Variants in RXFP2 observed in about 807,000 individuals in gnomAD.
RXFP2 encodes relaxin family peptide receptor 2, also known as relaxin receptor 2.
Under a neutral mutation model 88.6 loss-of-function variants are expected in RXFP2, and 68 were observed. The ratio of observed to expected loss-of-function variants is 0.77; its 90% CI spans 0.63 to 0.94. The LOEUF is 0.94. Among genes scored for constraint, RXFP2 ranks in the 40% least tolerant of loss-of-function variants. RXFP2 has a pLI of 0.00. For missense variants in RXFP2, 791 were observed against 893.9 expected (o/e 0.88, Z 1.47); for synonymous variants, 329 against 306.8 (o/e 1.07, Z -0.76).
At position 31,782,686 on chromosome 13, in the gene RXFP2, A is replaced by G. The variant is rs753235385; in HGVS notation, c.868A>G (p.Arg290Gly). ...CGCCATGTCTTACAGGTTTCTGCCT[A>G]GAAATCAAATTGGTTTTGTTCCAGA... ...CDSLTVLFLPRNQIGFVPEKT... is the reference protein window; with the variant it reads ...CDSLTVLFLPGNQIGFVPEKT... Residue 290 changes from arginine to glycine, a missense_variant, in exon 11 of 18, where the codon AGA becomes GGA. Physicochemically the swap from Arg to Gly is moderately radical, Grantham distance 125 (BLOSUM62 -2). Transcript: ENST00000298386. 11 of 1,611,560 alleles carry G rather than the reference A, an allele frequency of 6.8e-6. No individual in the cohort carries two copies.
At chr13:31,801,634 T>C (rs759663594) in intron 17 of RXFP2, among the ~76,000 whole-genome samples, 15 of 152,112 alleles carry the variant, frequency 9.9e-5, no homozygotes, top group Non-Finnish European at 1.8e-4. Context: ...TTTCATCAAG[T>C]TTAGGGAATG....
intron 1 of RXFP2, among the ~76,000 whole-genome samples, chr13:31,743,347 G>A (rs192770456): frequency 1.5e-4 from 23 of 151,942 alleles, no homozygotes; most frequent in Non-Finnish European, 2.1e-4. Flanking sequence ...GCACACCTGT[G>A]GTCCCAGCTA....
chr13:31,797,306 G>T lies in RXFP2; in HGVS notation c.1892G>T (p.Gly631Val). 1.2e-6 allele frequency: 2 copies of T among 1,614,078 alleles called. No individual in the cohort carries two copies. The change falls in exon 17 of 18, where the codon GGA becomes GTA. Residue 631 changes from glycine (G) to valine (V), a missense_variant. By Grantham distance (109) the Gly-to-Val change is moderately radical. Coordinates refer to ENST00000298386, the MANE Select transcript of RXFP2 (RefSeq NM_130806.5). ...ACCACAGAAGTAAGGAATTGTTTTG[G>T]AAGAGAGGTGGCTGTTGCAAATCGT... ...LQTTEVRNCF[G>V]REVAVANRFF...
chr13:31,789,808 T>A (rs149039688), intron 14 of RXFP2, among the ~76,000 whole-genome samples: 2 of 152,340 alleles, frequency 1.3e-5, no homozygotes, highest in Admixed American at 6.5e-5. Flanking sequence ...CAATGTAAGA[T>A]TACAAGTTGG....
chr13:31,778,386 C>G, intron 8 of RXFP2, 126 bp from the exon 9 acceptor site: 1 of 686,692 alleles, frequency 1.5e-6, no homozygotes. Context: ...TTTGAAATAG[C>G]TATATATGTT....
intron 8 of RXFP2, 48 bp from the exon 9 acceptor site, chr13:31,778,464 A>T (rs1203883970): frequency 7.9e-7 from 1 of 1,268,750 alleles, no homozygotes. Flanking sequence ...GACTGTCCTA[A>T]AAGTGTCATA....
chr13:31,742,200 A>C (rs1871247509), intron 1 of RXFP2, among the ~76,000 whole-genome samples: 1 of 152,216 alleles, frequency 6.6e-6, no homozygotes, highest in South Asian at 2.1e-4. Flanking sequence ...CTTGGCAACT[A>C]CCAATTGCTA....
chr13:31,774,495 G>A (rs1872857960), intron 5 of RXFP2, 125 bp from the exon 6 acceptor site: 7 of 708,276 alleles, frequency 9.9e-6, no homozygotes, highest in Admixed American at 3.9e-5. Context: ...TCCCCAACAT[G>A]AGAATAGGAC....
Position 31,765,065 on chromosome 13 carries a change from C to A in RXFP2, c.348C>A (p.Asp116Glu). The A allele has an allele frequency of 6.2e-7, 1 of 1,609,548 alleles. No homozygotes were observed. The highest frequency in any genetic ancestry group is 8.5e-7 in the Non-Finnish European group (1 of 1,176,114). Reference protein sequence around the residue: ...CFLKQYPQCCDCKETELECVN... With the variant: ...CFLKQYPQCCECKETELECVN... ...TAAAACAGTATCCACAATGCTGTGA[C>A]TGCAAAGAAACTGAATTGGAATGTG... is the stretch of plus-strand genomic sequence containing the variant. The change falls in exon 4 of 18, where the codon GAC (aspartate) becomes GAA (glutamate). Residue 116 changes from aspartate (D) to glutamate (E), a missense_variant. By Grantham distance (45) the Asp-to-Glu change is conservative (BLOSUM62 2). Coordinates refer to ENST00000298386, the MANE Select transcript of RXFP2 (RefSeq NM_130806.5).
chr13:31,786,557 A>AAC lies in RXFP2; in HGVS notation c.1002-8_1002-7insCA. The AAC allele has an allele frequency of 6.2e-7, 1 of 1,600,598 alleles. No individual in the cohort carries two copies. The highest frequency in any genetic ancestry group is 8.5e-7 in the Non-Finnish European group (1 of 1,169,800). On this transcript the variant is annotated splice_polypyrimidine_tract_variant and intron_variant, in intron 12 of 17. Coordinates refer to ENST00000298386, the MANE Select transcript of RXFP2 (RefSeq NM_130806.5). ...CTTTTCCTCTCTCATCTAATGGTAA[A>AAC]AAAAAAAGGAACCTGTCATCCAATC...
chr13:31,761,850 T>C lies in RXFP2; in HGVS notation c.319+49T>C, dbSNP rs199862083. 272 of 1,241,162 alleles carry C rather than the reference T, an allele frequency of 2.2e-4. 1 individual carries two copies. The African/African-American group carries it at 3.3e-3, about 15-fold the overall frequency. The allele number at this position is 1,241,162 out of a possible 1,614,324, so 76.9% of individuals were successfully genotyped here. ...AGTATCAGCTTTGTGAAAAACATGA[T>C]TTGTGATGCACAGATTTATATGGGT... On this transcript the variant is annotated intron_variant, in intron 3 of 17. Coordinates refer to ENST00000298386, the MANE Select transcript of RXFP2 (RefSeq NM_130806.5).
At chr13:31,800,304 A>G (rs1348595229) in intron 17 of RXFP2, among the ~76,000 whole-genome samples, 4 of 152,158 alleles carry the variant, frequency 2.6e-5, no homozygotes, top group Non-Finnish European at 4.4e-5. Context: ...TGCTAATCTT[A>G]TAAGAAGTCT....
intron 5 of RXFP2, among the ~76,000 whole-genome samples, chr13:31,769,726 G>T (rs1872669835): frequency 6.6e-6 from 1 of 152,276 alleles, no homozygotes; most frequent in East Asian, 1.9e-4. Context: ...TGCCACATGT[G>T]TTGCTGCTAA....
chr13:31,755,726 C>G (rs1458143639), intron 1 of RXFP2, among the ~76,000 whole-genome samples: 4 of 152,148 alleles, frequency 2.6e-5, no homozygotes, highest in African/African-American at 9.7e-5. Context: ...CAAGCCAACC[C>G]CAGTGCCATG....
intron 16 of RXFP2, among the ~76,000 whole-genome samples, chr13:31,795,422 T>C (rs1440151476): frequency 6.6e-6 from 1 of 152,168 alleles, no homozygotes; most frequent in East Asian, 1.9e-4. Context: ...AGTGCTGGGA[T>C]TACAGGTGTG....
intron 7 of RXFP2, 25 bp from the exon 8 acceptor site, chr13:31,777,351 A>T: frequency 6.4e-7 from 1 of 1,553,316 alleles, no homozygotes; most frequent in Non-Finnish European, 8.9e-7. Flanking sequence ...TAATATTGGA[A>T]ATGTTTCTTG....
intron 1 of RXFP2, among the ~76,000 whole-genome samples, chr13:31,755,098 G>A (rs1428732510): frequency 6.6e-6 from 1 of 152,186 alleles, no homozygotes; most frequent in African/African-American, 2.4e-5. Flanking sequence ...TACTATAAAT[G>A]TGAGGAAACT....
chr13:31,758,467 C>A (rs566850390), intron 2 of RXFP2, 63 bp downstream of exon 2: 2 of 1,561,960 alleles, frequency 1.3e-6, no homozygotes, highest in South Asian at 1.1e-5. Context: ...AACTGTGGGT[C>A]GGTTGGATAA....
At chr13:31,781,084 T>C (rs1376011101) in intron 9 of RXFP2, among the ~76,000 whole-genome samples, 3 of 152,190 alleles carry the variant, frequency 2.0e-5, no homozygotes, top group African/African-American at 7.2e-5. Context: ...GCAGGATAAC[T>C]TTGGCCTGAG....
Sources: allele counts gnomAD v4.1 joint callset (sites outside exome capture counted in the v4.1 genomes callset), GRCh38; gene constraint gnomAD v4.1.1; transcripts MANE v1.5; gene names NCBI Gene and HGNC (gene_info 2026-07-23, HGNC 2026-07-21).